The following CACNA2D3 variants were observed in gnomAD, a reference collection of about 807,000 sequenced individuals.
CACNA2D3 encodes calcium voltage-gated channel auxiliary subunit alpha2delta 3.
Under a neutral mutation model 160.6 loss-of-function variants are expected in CACNA2D3, and 60 were observed. The observed-to-expected ratio is 0.37, with a 90% CI of 0.30 to 0.46. The LOEUF (loss-of-function observed/expected upper bound fraction) is 0.46, where lower values mean the gene tolerates loss of function less well. CACNA2D3 is among the 20% of genes least tolerant of loss of function. The pLI is 1.00. For synonymous variants in CACNA2D3, 558 were observed against 492.9 expected (o/e 1.13, Z -1.75); for missense variants, 1,205 against 1,365.0 (o/e 0.88, Z 1.85).
At chr3:54,712,707 T>C (rs1002063663) in intron 11 of CACNA2D3, among the ~76,000 whole-genome samples, 5 of 152,200 alleles carry the variant, frequency 3.3e-5, no homozygotes, top group African/African-American at 9.7e-5. Context: ...AGAGAATGTG[T>C]TTTCTTGCCT....
intron 16 of CACNA2D3, among the ~76,000 whole-genome samples, chr3:54,839,543 C>G (rs1209238223): frequency 6.6e-6 from 1 of 152,182 alleles, no homozygotes; most frequent in Non-Finnish European, 1.5e-5. Context: ...CCCTTCTCCC[C>G]CAGCACCAAG....
intron 27 of CACNA2D3, among the ~76,000 whole-genome samples, chr3:54,912,800 C>G (rs763381495): frequency 6.6e-5 from 10 of 152,092 alleles, no homozygotes; most frequent in Admixed American, 2.0e-4. Context: ...TTGTTCACTC[C>G]TTTAGCCTTA....
At chr3:54,391,937 T>C (rs1333559747) in intron 4 of CACNA2D3, among the ~76,000 whole-genome samples, 4 of 152,176 alleles carry the variant, frequency 2.6e-5, no homozygotes, top group South Asian at 2.1e-4. Context: ...GATATCTTCA[T>C]TGGGTCAATT....
chr3:54,818,277 G>A (rs948578412), intron 14 of CACNA2D3, among the ~76,000 whole-genome samples: 1 of 152,136 alleles, frequency 6.6e-6, no homozygotes, highest in East Asian at 1.9e-4. Flanking sequence ...TCCACCTCCC[G>A]GGTTCAATCG....
chr3:54,575,028 G>T (rs1397667513), intron 8 of CACNA2D3, among the ~76,000 whole-genome samples: 1 of 152,164 alleles, frequency 6.6e-6, no homozygotes, highest in Admixed American at 6.5e-5. Flanking sequence ...TTTTCTTTCA[G>T]TGCTCATTTG....
At chr3:54,214,864 G>A (rs1195721990) in intron 2 of CACNA2D3, among the ~76,000 whole-genome samples, 3 of 152,216 alleles carry the variant, frequency 2.0e-5, no homozygotes, top group African/African-American at 4.8e-5. Context: ...GGAGCTCAGG[G>A]GTTGAGTGCA....
intron 5 of CACNA2D3, among the ~76,000 whole-genome samples, chr3:54,504,812 C>T (rs1202309480): frequency 2.0e-5 from 3 of 152,192 alleles, no homozygotes; most frequent in African/African-American, 7.2e-5. Flanking sequence ...TTCTGAGGCT[C>T]AGTTTCCCTA....
intron 35 of CACNA2D3, among the ~76,000 whole-genome samples, chr3:55,023,823 C>G (rs1703509012): frequency 6.6e-6 from 1 of 151,466 alleles, no homozygotes; most frequent in Non-Finnish European, 1.5e-5. Flanking sequence ...GTAGTTTAGG[C>G]TTGAAGTTTG....
At chr3:54,838,122 C>A (rs1239867509) in intron 15 of CACNA2D3, among the ~76,000 whole-genome samples, 3 of 152,124 alleles carry the variant, frequency 2.0e-5, no homozygotes, top group Admixed American at 2.0e-4. Flanking sequence ...TTATATATTT[C>A]TCTTGCTATT....
chr3:55,005,549 C>T (rs986831775), intron 32 of CACNA2D3, among the ~76,000 whole-genome samples: 1 of 151,940 alleles, frequency 6.6e-6, no homozygotes, highest in Non-Finnish European at 1.5e-5. Flanking sequence ...ACAGGTATTC[C>T]CTCTCCCCTA....
intron 16 of CACNA2D3, among the ~76,000 whole-genome samples, chr3:54,843,809 G>A (rs1698874151): frequency 6.6e-6 from 1 of 152,192 alleles, no homozygotes; most frequent in Non-Finnish European, 1.5e-5. Flanking sequence ...ACATTAGTAG[G>A]ATTTCATACT....
intron 35 of CACNA2D3, among the ~76,000 whole-genome samples, chr3:55,025,743 G>T (rs1193512934): frequency 6.6e-6 from 1 of 151,816 alleles, no homozygotes; most frequent in African/African-American, 2.4e-5. Context: ...AAGACTCACA[G>T]GAGATTGGGT....
At chr3:54,767,227 T>C (rs1208129847) in intron 13 of CACNA2D3, among the ~76,000 whole-genome samples, 5 of 152,104 alleles carry the variant, frequency 3.3e-5, no homozygotes, top group Non-Finnish European at 7.4e-5. Flanking sequence ...ATGAATCCAA[T>C]AATATTTCAA....
At chr3:54,131,979 G>A (rs1699719482) in intron 2 of CACNA2D3, among the ~76,000 whole-genome samples, 1 of 108,102 alleles carries the variant, frequency 9.3e-6, no homozygotes, top group African/African-American at 3.0e-5. Context: ...GAACAATATT[G>A]TAAAAAGAAC....
intron 17 of CACNA2D3, among the ~76,000 whole-genome samples, chr3:54,860,594 ACTCAG>A (rs1446739258): frequency 6.6e-6 from 1 of 152,040 alleles, no homozygotes; most frequent in Non-Finnish European, 1.5e-5. Context: ...ATGATTTGAA[ACTCAG>A]CTCTGCTCAG....
At chr3:54,437,766 A>C (rs1457614638) in intron 4 of CACNA2D3, among the ~76,000 whole-genome samples, 1 of 152,230 alleles carries the variant, frequency 6.6e-6, no homozygotes, top group Admixed American at 6.5e-5. Context: ...GCATGGATGA[A>C]CATGAACTCT....
At chr3:54,876,587 G>A (rs1699665129) in intron 18 of CACNA2D3, among the ~76,000 whole-genome samples, 1 of 152,258 alleles carries the variant, frequency 6.6e-6, no homozygotes, top group Admixed American at 6.5e-5. Context: ...ATGCTATAAA[G>A]TATTTAATGT....
At chr3:54,925,541 G>T (rs372365601) in intron 27 of CACNA2D3, among the ~76,000 whole-genome samples, 86 of 152,300 alleles carry the variant, frequency 5.6e-4, no homozygotes, top group African/African-American at 2.0e-3. Context: ...TGTATATGCC[G>T]TTTGTAGGCC....
chr3:54,386,587 A>C, intron 3 of CACNA2D3, 128 bp from the exon 4 acceptor site: 1 of 742,858 alleles, frequency 1.3e-6, no homozygotes, highest in Non-Finnish European at 2.1e-6. Flanking sequence ...GTTTCATGGG[A>C]GCAAAGGCAT....
Sources: allele counts gnomAD v4.1 joint callset (sites outside exome capture counted in the v4.1 genomes callset), GRCh38; gene constraint gnomAD v4.1.1; transcripts MANE v1.5; gene names NCBI Gene and HGNC (gene_info 2026-07-23, HGNC 2026-07-21).